The following JARID2 variants were observed in gnomAD, a reference collection of about 807,000 sequenced individuals.
JARID2 encodes jumonji and AT-rich interaction domain containing 2, also known as protein Jumonji.
Under a neutral mutation model 125.6 loss-of-function variants are expected in JARID2, and 21 were observed. The observed-to-expected ratio is 0.17, with a 90% confidence interval of 0.12 to 0.24. The LOEUF (loss-of-function observed/expected upper bound fraction) is 0.24. Ranked by LOEUF, JARID2 falls within the 10% of genes least tolerant of loss-of-function variation. The pLI, the probability that JARID2 is intolerant of heterozygous loss-of-function variation, is 1.00. For missense variants in JARID2, 1,303 were observed against 1,639.6 expected, an observed-to-expected ratio of 0.79 and a Z score of 3.55; for synonymous variants, 736 against 661.6, an observed-to-expected ratio of 1.11 and a Z score of -1.73.
At chr6:15,323,367 A>G (rs1180638394) in intron 1 of JARID2, among the ~76,000 whole-genome samples, 2 of 152,206 alleles carry the variant, frequency 1.3e-5, no homozygotes, top group Non-Finnish European at 2.9e-5. Context: ...TGGGTGTGCT[A>G]CAGCACCGGG....
chr6:15,283,263 C>T (rs979090505), intron 1 of JARID2, among the ~76,000 whole-genome samples: 1 of 150,312 alleles, frequency 6.7e-6, no homozygotes, highest in African/African-American at 2.5e-5. Context: ...CAGGTGTGAG[C>T]CACTGCGCCC....
chr6:15,446,445 A>C (rs976805809), intron 3 of JARID2, among the ~76,000 whole-genome samples: 1 of 152,230 alleles, frequency 6.6e-6, no homozygotes, highest in Non-Finnish European at 1.5e-5. Flanking sequence ...ACAGAGTAAC[A>C]GGCCTGGATT....
intron 1 of JARID2, among the ~76,000 whole-genome samples, chr6:15,319,177 T>A (rs1177875550): frequency 6.6e-6 from 1 of 152,212 alleles, no homozygotes; most frequent in Non-Finnish European, 1.5e-5. Flanking sequence ...ATGCTTGGAA[T>A]GCTATAAGTT....
intron 1 of JARID2, among the ~76,000 whole-genome samples, chr6:15,331,724 G>C (rs372210058): frequency 7.2e-5 from 11 of 152,186 alleles, no homozygotes; most frequent in African/African-American, 2.6e-4. Context: ...GGGTATGTTG[G>C]CAGGAGAATC....
intron 17 of JARID2, among the ~76,000 whole-genome samples, chr6:15,519,189 T>A (rs1448278974): frequency 6.6e-6 from 1 of 152,252 alleles, no homozygotes; most frequent in Non-Finnish European, 1.5e-5. Context: ...CTTGTCCTTA[T>A]GGTAAGGTAG....
chr6:15,478,437 GT>G (rs1422461576), intron 5 of JARID2, among the ~76,000 whole-genome samples: 2 of 152,102 alleles, frequency 1.3e-5, no homozygotes, highest in African/African-American at 4.8e-5. Flanking sequence ...TAGTTTTTTC[GT>G]GCTAATGTTT....
At chr6:15,495,582 A>G (rs1170134502) in intron 6 of JARID2, among the ~76,000 whole-genome samples, 1 of 152,180 alleles carries the variant, frequency 6.6e-6, no homozygotes, top group East Asian at 1.9e-4. Context: ...TTTTGCTTCC[A>G]TAGTATTTTT....
chr6:15,439,033 A>G lies in JARID2; in HGVS notation c.324-12973A>G, dbSNP rs574756621. ...GGTGACAGAGCAAGACTCTGTCTCA[A>G]AAAAAAAAAAAAAAAGGTGTGGGGG... On this transcript the variant is annotated intron_variant, in intron 3 of 17. Coordinates refer to ENST00000341776, the MANE Select transcript of JARID2 (RefSeq NM_004973.4). Among the ~76,000 whole-genome samples the G allele has an allele frequency of 2.3e-5, 3 of 133,140 alleles. No homozygotes were observed. In the South Asian group the frequency reaches 7.1e-4, roughly 31 times the overall value. 87.3% of individuals were successfully genotyped at this position (133,140 alleles called of 152,430 possible). A position where few individuals can be genotyped will look rare whatever the true frequency, so the allele number is the denominator to read the frequency against.
intron 1 of JARID2, among the ~76,000 whole-genome samples, chr6:15,298,537 GGGTGTGGT>G (rs1467921182): frequency 3.3e-5 from 5 of 151,980 alleles, no homozygotes; most frequent in African/African-American, 1.2e-4. Flanking sequence ...AAAATTAGCT[GGGTGTGGT>G]GGTGCATGCC....
At chr6:15,473,597 G>A (rs1311074536) in intron 5 of JARID2, among the ~76,000 whole-genome samples, 10 of 148,066 alleles carry the variant, frequency 6.8e-5, no homozygotes, top group Non-Finnish European at 1.5e-4. Flanking sequence ...TGGTGTGATC[G>A]TTGGGGCTCC....
intron 1 of JARID2, among the ~76,000 whole-genome samples, chr6:15,321,642 A>G (rs1036737922): frequency 5.9e-5 from 9 of 152,168 alleles, no homozygotes; most frequent in African/African-American, 1.7e-4. Flanking sequence ...TTACAAGCCA[A>G]TTGCTTGACT....
At chr6:15,290,872 G>A (rs939370149) in intron 1 of JARID2, among the ~76,000 whole-genome samples, 1 of 152,124 alleles carries the variant, frequency 6.6e-6, no homozygotes, top group Admixed American at 6.5e-5. Flanking sequence ...CGCCTGCCTC[G>A]GCCTCCCAGA....
intron 1 of JARID2, among the ~76,000 whole-genome samples, chr6:15,280,100 C>G (rs1047103561): frequency 2.0e-5 from 3 of 152,028 alleles, no homozygotes; most frequent in Non-Finnish European, 4.4e-5. Flanking sequence ...TTTCTTCTGT[C>G]AAATCCGTGA....
Position 15,341,741 on chromosome 6 carries a change from A to C in JARID2, c.46-32376A>C, listed in dbSNP as rs72834592. On this transcript the variant is annotated intron_variant, in intron 1 of 17. Coordinates refer to ENST00000341776, the MANE Select transcript of JARID2 (RefSeq NM_004973.4). ...ATCGATGAAAGGCAGAGTTTAGAGT[A>C]GTGCCCGCTTAAGGGCAAGATGACA... is the stretch of plus-strand genomic sequence containing the variant. Among the ~76,000 whole-genome samples the C allele has an allele frequency of 9.1e-3, 1,386 of 152,378 alleles. 11 individuals are homozygous for C. The highest frequency in any genetic ancestry group is 0.024 in the Middle Eastern group (7 of 294).
rs772108594 is a variant in JARID2 at position 15,410,279 on chromosome 6, G to T, written c.237G>T (p.Glu79Asp). The T allele has an allele frequency of 1.2e-6, 2 of 1,614,044 alleles. No homozygotes were observed. The highest frequency in any genetic ancestry group is 1.7e-5 in the Admixed American group (1 of 60,008). The change falls in exon 3 of 18, where the codon GAG (glutamate) becomes GAT (aspartate). Residue 79 changes from glutamate to aspartate, a missense_variant. Physicochemically the swap from Glu to Asp is conservative, Grantham distance 45. Transcript: ENST00000341776. ...TAGGACCAGCATCAGAACAGTCAGA[G>T]AATGAAAAGGACGATGCATCCCAAG... Reference protein sequence around the residue: ...KGLGPASEQSENEKDDASQVS... With the variant: ...KGLGPASEQSDNEKDDASQVS...
At position 15,430,800 on chromosome 6, in the gene JARID2, AG is replaced by A. The variant is rs532996424; in HGVS notation, c.323+20436del. On this transcript the variant is annotated intron_variant, in intron 3 of 17. Coordinates refer to ENST00000341776, the MANE Select transcript of JARID2 (RefSeq NM_004973.4). ...TGAATGGTCTGTAGGGGCTGCTTTG[AG>A]TAACTGCACATGATCCAGACCAGTC... 3.9e-3 allele frequency among the ~76,000 whole-genome samples: 598 copies of A among 152,286 alleles called. 4 individuals are homozygous for A. Among genetic ancestry groups the A allele is most frequent in the Middle Eastern group, 0.024 (7 of 294 alleles).
At chr6:15,517,371 TA>T (rs1289230513) in intron 17 of JARID2, 103 bp downstream of exon 17, 1 of 790,910 alleles carries the variant, frequency 1.3e-6, no homozygotes, top group Non-Finnish European at 2.2e-6. Context: ...GCCTGGCGGG[TA>T]GTCAGGGCTC....
At chr6:15,391,395 C>G (rs1764997084) in intron 2 of JARID2, among the ~76,000 whole-genome samples, 1 of 152,158 alleles carries the variant, frequency 6.6e-6, no homozygotes, top group Non-Finnish European at 1.5e-5. Context: ...CAGAGAGTTT[C>G]AGAGCCAGCA....
chr6:15,341,451 C>T (rs1034205844), intron 1 of JARID2, among the ~76,000 whole-genome samples: 12 of 152,194 alleles, frequency 7.9e-5, no homozygotes, highest in African/African-American at 2.7e-4. Context: ...CAGGCCCCAG[C>T]CTCCAGGGTA....
Sources: allele counts gnomAD v4.1 joint callset (sites outside exome capture counted in the v4.1 genomes callset), GRCh38; gene constraint gnomAD v4.1.1; transcripts MANE v1.5; gene names NCBI Gene and HGNC (gene_info 2026-07-23, HGNC 2026-07-21).